GRIN2A: variants seen among roughly 807,000 people sequenced by gnomAD.
GRIN2A encodes the protein glutamate ionotropic receptor NMDA type subunit 2A, also known as glutamate receptor ionotropic, NMDA 2A.
A neutral mutation model predicts 113.4 loss-of-function variants in GRIN2A; 22 were observed. The ratio of observed to expected loss-of-function variants is 0.19; its 90% CI spans 0.14 to 0.28. The LOEUF (loss-of-function observed/expected upper bound fraction) is 0.28, where lower values mean the gene tolerates loss of function less well. Ranked by LOEUF, GRIN2A falls within the 10% of genes least tolerant of loss-of-function variation. GRIN2A has a pLI of 1.00. For missense variants in GRIN2A, 1,502 were observed against 1,887.0 expected, an observed-to-expected ratio of 0.80 and a Z score of 3.78; for synonymous variants, 827 against 738.4, an observed-to-expected ratio of 1.12 and a Z score of -1.94.
chr16:10,113,876 C>T (rs1408832581), intron 2 of GRIN2A, among the ~76,000 whole-genome samples: 1 of 152,150 alleles, frequency 6.6e-6, no homozygotes, highest in Non-Finnish European at 1.5e-5. Context: ...TATTTCATGA[C>T]CTTGAGGAGT....
intron 2 of GRIN2A, among the ~76,000 whole-genome samples, chr16:10,024,465 G>A (rs142242729): frequency 1.1e-4 from 17 of 152,282 alleles, no homozygotes; most frequent in Admixed American, 4.6e-4. Flanking sequence ...TGATCCACCC[G>A]TCTTGGCCTC....
intron 4 of GRIN2A, among the ~76,000 whole-genome samples, chr16:9,878,388 G>A (rs369707904): frequency 2.6e-5 from 4 of 152,174 alleles, no homozygotes; most frequent in Non-Finnish European, 5.9e-5. Flanking sequence ...ATGTGTCAGT[G>A]TTCTAAGCAC....
At chr16:9,928,946 C>T (rs1261640897) in intron 3 of GRIN2A, among the ~76,000 whole-genome samples, 4 of 152,228 alleles carry the variant, frequency 2.6e-5, no homozygotes, top group Admixed American at 1.3e-4. Flanking sequence ...AGGCCTACTA[C>T]GATGTCTATC....
intron 2 of GRIN2A, among the ~76,000 whole-genome samples, chr16:9,987,717 A>T (rs886503882): frequency 6.6e-6 from 1 of 152,250 alleles, no homozygotes; most frequent in Non-Finnish European, 1.5e-5. Context: ...TACTCTGCAC[A>T]GCCTATGTCA....
intron 2 of GRIN2A, among the ~76,000 whole-genome samples, chr16:10,098,939 C>T (rs550485339): frequency 2.3e-4 from 29 of 126,850 alleles, no homozygotes; most frequent in Middle Eastern, 3.6e-3. Flanking sequence ...CCCCTCCCCC[C>T]CCCAAAAAAA....
rs2042826156 is a variant in GRIN2A, at chr16:9,848,776, A to T, written c.1328+980T>A. On this transcript the variant is annotated intron_variant, in intron 5 of 12. Coordinates refer to ENST00000330684, the MANE Select transcript of GRIN2A (RefSeq NM_001134407.3). ...TTAAATATATAAAATACACTGTTTT[A>T]TATATTTAAATATATAAAATACACT... 2.7e-5 allele frequency among the ~76,000 whole-genome samples: 3 copies of T among 112,636 alleles called. No individual in the cohort carries two copies. The South Asian group carries it at 8.1e-4, about 30-fold the overall frequency. 73.9% of individuals were successfully genotyped at this position (112,636 alleles called of 152,430 possible). A position where few individuals can be genotyped will look rare whatever the true frequency, so the allele number is the denominator to read the frequency against.
intron 2 of GRIN2A, among the ~76,000 whole-genome samples, chr16:10,040,415 CCA>C (rs984547841): frequency 1.9e-4 from 29 of 151,210 alleles, no homozygotes; most frequent in African/African-American, 6.8e-4. Flanking sequence ...AAACACACCA[CCA>C]CACACACTCA....
intron 4 of GRIN2A, among the ~76,000 whole-genome samples, chr16:9,857,791 C>A (rs1212761341): frequency 1.3e-5 from 2 of 152,184 alleles, no homozygotes; most frequent in Non-Finnish European, 2.9e-5. Flanking sequence ...AATGGGGAAA[C>A]AATTTTAGAG....
chr16:9,954,463 C>T (rs1029448148), intron 2 of GRIN2A, among the ~76,000 whole-genome samples: 2 of 152,166 alleles, frequency 1.3e-5, no homozygotes, highest in Non-Finnish European at 2.9e-5. Flanking sequence ...TTTGTTCCAA[C>T]ACTCTGATTT....
intron 3 of GRIN2A, among the ~76,000 whole-genome samples, chr16:9,913,885 AT>A (rs142983404): frequency 1.2e-4 from 18 of 151,286 alleles, no homozygotes; most frequent in South Asian, 6.3e-4. Context: ...TTGAAATAAC[AT>A]TTTTTTTTCC....
Position 10,179,145 on chromosome 16 carries a change from G to A in GRIN2A, c.414+853C>T, listed in dbSNP as rs1484752507. ...TTCTCCAAACCAAAGCTCCCAGGCT[G>A]TCCACAAAAAAGACCCTCCCTCTCA... On this transcript the variant is annotated intron_variant, in intron 2 of 12. Transcript: ENST00000330684. Among the ~76,000 whole-genome samples the A allele has an allele frequency of 2.0e-5, 3 of 152,160 alleles. No homozygotes were observed. In the East Asian group the frequency reaches 5.8e-4, roughly 29 times the overall value.
rs1016862960 is a variant in GRIN2A at position 9,858,287 on chromosome 16, T to A, written c.1123-8326A>T. 3.1e-4 allele frequency among the ~76,000 whole-genome samples: 47 copies of A among 152,196 alleles called. 1 individual carries two copies. Among genetic ancestry groups the A allele is most frequent in the Admixed American group, 3.1e-3 (47 of 15,280 alleles). On this transcript the variant is annotated intron_variant, in intron 4 of 12. Coordinates refer to ENST00000330684, the MANE Select transcript of GRIN2A (RefSeq NM_001134407.3). Reference sequence around the variant, plus strand: ...AATAACAGTAAAAATTGACATTCACTAGGCACTTATTATGTATCAGGCACC... The same window carrying A: ...AATAACAGTAAAAATTGACATTCACAAGGCACTTATTATGTATCAGGCACC...
chr16:9,975,928 T>C (rs542777628), intron 2 of GRIN2A, among the ~76,000 whole-genome samples: 17 of 152,220 alleles, frequency 1.1e-4, no homozygotes, highest in Admixed American at 3.9e-4. Flanking sequence ...CATTTCATAA[T>C]GAGAAAAGGG....
intron 3 of GRIN2A, among the ~76,000 whole-genome samples, chr16:9,899,608 G>C (rs1212238904): frequency 6.6e-6 from 1 of 151,936 alleles, no homozygotes; most frequent in Non-Finnish European, 1.5e-5. Flanking sequence ...ATTCTATTGT[G>C]GTCAATTAAA....
At chr16:10,128,287 G>T (rs1362239837) in intron 2 of GRIN2A, among the ~76,000 whole-genome samples, 2 of 152,146 alleles carry the variant, frequency 1.3e-5, no homozygotes, top group East Asian at 1.9e-4. Context: ...AGCGAGTTTT[G>T]TGAGTTTCCA....
At chr16:10,038,387 G>C (rs1167457173) in intron 2 of GRIN2A, among the ~76,000 whole-genome samples, 1 of 152,086 alleles carries the variant, frequency 6.6e-6, no homozygotes, top group Non-Finnish European at 1.5e-5. Context: ...GTCTAGACCT[G>C]TGTTTCTTAA....
At chr16:9,910,507 T>C (rs1037208093) in intron 3 of GRIN2A, among the ~76,000 whole-genome samples, 6 of 151,384 alleles carry the variant, frequency 4.0e-5, no homozygotes, top group African/African-American at 1.2e-4. Context: ...TTTAAACTCA[T>C]ATTTGAGTCT....
At chr16:10,067,163 C>A (rs1350571170) in intron 2 of GRIN2A, among the ~76,000 whole-genome samples, 1 of 152,176 alleles carries the variant, frequency 6.6e-6, no homozygotes, top group Non-Finnish European at 1.5e-5. Context: ...TCTTCATCCC[C>A]TATGCTTTAA....
intron 2 of GRIN2A, among the ~76,000 whole-genome samples, chr16:10,168,467 T>C (rs2049968857): frequency 6.6e-6 from 1 of 151,578 alleles, no homozygotes; most frequent in African/African-American, 2.4e-5. Context: ...AGGTACAGAG[T>C]GTTTGAATAA....
Sources: gnomAD v4.1 joint callset for allele counts (sites outside exome capture counted in the v4.1 genomes callset) on GRCh38, gnomAD v4.1.1 for gene constraint, MANE v1.5 for transcripts, NCBI Gene and HGNC (gene_info 2026-07-23, HGNC 2026-07-21) for gene names.